The following ALPK1 variants were observed in gnomAD, a reference collection of about 807,000 sequenced individuals.
The protein encoded by ALPK1 is alpha-protein kinase 1.
Under a neutral mutation model 120.6 loss-of-function variants are expected in ALPK1, and 110 were observed. The ratio of observed to expected loss-of-function variants is 0.91; its 90% CI spans 0.78 to 1.07. ALPK1 has a LOEUF of 1.07. ALPK1 is among the 50% of genes least tolerant of loss of function. ALPK1 has a pLI of 0.00. For synonymous variants in ALPK1, 582 were observed against 560.3 expected (o/e 1.04, Z -0.55); for missense variants, 1,498 against 1,483.9 (o/e 1.01, Z -0.16).
chr4:112,309,876 G>T (rs1000794182), intron 1 of ALPK1, among the ~76,000 whole-genome samples: 3 of 152,028 alleles, frequency 2.0e-5, no homozygotes, highest in Admixed American at 6.5e-5. Flanking sequence ...TTACATGACT[G>T]CTTTCTACTA....
At position 112,350,447 on chromosome 4, in the gene ALPK1, C is replaced by G. The variant is rs796916658; in HGVS notation, c.-100-27231C>G. 2.6e-5 allele frequency among the ~76,000 whole-genome samples: 4 copies of G among 152,298 alleles called. No individual in the cohort carries two copies. The South Asian group carries it at 8.3e-4, about 32-fold the overall frequency. On this transcript the variant is annotated intron_variant, in intron 2 of 15. Coordinates refer to ENST00000650871, the MANE Select transcript of ALPK1 (RefSeq NM_025144.4). ...GACCCTCCCTCCTCCTACTCCATCC[C>G]TGGAGAGATGCAGCAGTTTTGACAT...
chr4:112,304,865 G>A (rs1206146326), intron 1 of ALPK1, among the ~76,000 whole-genome samples: 1 of 152,078 alleles, frequency 6.6e-6, no homozygotes, highest in Middle Eastern at 3.2e-3. Context: ...TTTTCTTCTA[G>A]GGTTTTTATG....
chr4:112,387,619 TG>T (rs1371538903), intron 4 of ALPK1, among the ~76,000 whole-genome samples: 1 of 152,220 alleles, frequency 6.6e-6, no homozygotes, highest in Non-Finnish European at 1.5e-5. Context: ...CTGATAGCCC[TG>T]ATGTTGTAAA....
In ALPK1 at chr4:112,316,671, G is replaced by T. The variant is rs147686264; in HGVS notation, c.-101+819G>T. On this transcript the variant is annotated intron_variant, in intron 2 of 15. Coordinates refer to ENST00000650871, the MANE Select transcript of ALPK1 (RefSeq NM_025144.4). ...TTTTTTCATGGCAGCCATCTTAATG[G>T]GTGTGAGGTAGTGTCTCATTGTGCT... Among the ~76,000 whole-genome samples the T allele has an allele frequency of 4.0e-3, 607 of 152,236 alleles. 2 individuals are homozygous for T. The highest frequency in any genetic ancestry group is 0.013 in the African/African-American group (544 of 41,538).
intron 5 of ALPK1, chr4:112,414,530 C>A (rs1255373455): frequency 6.6e-6 from 2 of 300,770 alleles, no homozygotes; most frequent in Non-Finnish European, 1.4e-5. Flanking sequence ...ATCACTTGAA[C>A]TCCGGAGGTG....
intron 3 of ALPK1, among the ~76,000 whole-genome samples, chr4:112,381,377 T>G (rs1254484993): frequency 2.6e-5 from 4 of 152,082 alleles, no homozygotes; most frequent in African/African-American, 9.7e-5. Flanking sequence ...AGTGATGAGT[T>G]CAGTTTTGGA....
rs769809255 is a variant in ALPK1, at chr4:112,430,875, A to T, written c.1328A>T (p.Lys443Ile). 1 of 1,614,074 alleles carries T rather than the reference A, an allele frequency of 6.2e-7. No homozygotes were observed. Among genetic ancestry groups the T allele is most frequent in the Non-Finnish European group, 8.5e-7 (1 of 1,180,004 alleles). Residue 443 changes from lysine to isoleucine, a missense_variant, in exon 11 of 16, where the codon AAA (lysine) becomes ATA (isoleucine). Physicochemically the swap from Lys to Ile is moderately radical, Grantham distance 102. Transcript: ENST00000650871. ...GAGAGTTTCGAGTGCAGGTTGGATA[A>T]ACTTATCTTGCATGGGCAAGGGGAT... Reference protein sequence around the residue: ...VPESFECRLDKLILHGQGDFQ... With the variant: ...VPESFECRLDILILHGQGDFQ...
chr4:112,359,816 G>T, intron 2 of ALPK1: 2 of 408,872 alleles, frequency 4.9e-6, no homozygotes, highest in Admixed American at 3.0e-5. Flanking sequence ...CAGAGCCCCA[G>T]TGGGTGCCCA....
intron 1 of ALPK1, among the ~76,000 whole-genome samples, chr4:112,308,849 C>T (rs1728253755): frequency 6.6e-6 from 1 of 152,102 alleles, no homozygotes; most frequent in Non-Finnish European, 1.5e-5. Flanking sequence ...TTCAGCTTTT[C>T]TGCTCTGTTT....
At chr4:112,402,284 G>A (rs1459585143) in intron 4 of ALPK1, among the ~76,000 whole-genome samples, 1 of 152,174 alleles carries the variant, frequency 6.6e-6, no homozygotes, top group Non-Finnish European at 1.5e-5. Flanking sequence ...CCCTCCTTGA[G>A]AACAGCTGCC....
chr4:112,411,810 C>G lies in ALPK1; in HGVS notation c.277-17C>G, dbSNP rs1325609537. ...GCGTTTCCGCCTGGCTCACGATGTT[C>G]CACGCTGTTCCTCCAGGCGTCCCTG... On this transcript the variant is annotated splice_polypyrimidine_tract_variant and intron_variant, in intron 4 of 15. Transcript: ENST00000650871. 1 of 1,599,424 alleles carries G rather than the reference C, an allele frequency of 6.3e-7. No homozygotes were observed. Among genetic ancestry groups the G allele is most frequent in the Non-Finnish European group, 8.5e-7 (1 of 1,173,306 alleles).
chr4:112,355,993 A>T, intron 2 of ALPK1: 1 of 636,460 alleles, frequency 1.6e-6, no homozygotes, highest in Non-Finnish European at 2.9e-6. Context: ...CTAGAAGAGA[A>T]CAGCGTTGTG....
At position 112,411,504 on chromosome 4, in the gene ALPK1, C is replaced by T. The variant is rs535112441; in HGVS notation, c.277-323C>T. 3.3e-5 allele frequency among the ~76,000 whole-genome samples: 5 copies of T among 152,304 alleles called. 1 individual carries two copies. The highest frequency in any genetic ancestry group is 9.6e-5 in the African/African-American group (4 of 41,566). On this transcript the variant is annotated intron_variant, in intron 4 of 15. Coordinates refer to ENST00000650871, the MANE Select transcript of ALPK1 (RefSeq NM_025144.4). ...CCTCCCAAAATGCTGAGATTAGAGG[C>T]GTGAGCCACCATGCCCGGCCCTACT...
At chr4:112,358,660 C>A in intron 2 of ALPK1, 1 of 711,318 alleles carries the variant, frequency 1.4e-6, no homozygotes. Flanking sequence ...CACAGGTGCT[C>A]CACCCTGTCT....
intron 4 of ALPK1, among the ~76,000 whole-genome samples, chr4:112,399,272 G>T (rs982618824): frequency 6.6e-6 from 1 of 152,208 alleles, no homozygotes. Context: ...GGAACCAGGA[G>T]AATATGCAAT....
intron 5 of ALPK1, among the ~76,000 whole-genome samples, chr4:112,415,952 T>G (rs1733728401): frequency 6.6e-6 from 1 of 152,218 alleles, no homozygotes; most frequent in African/African-American, 2.4e-5. Context: ...CTTAATGTAT[T>G]TATTATCATC....
At chr4:112,345,165 C>T (rs1381944224) in intron 2 of ALPK1, among the ~76,000 whole-genome samples, 1 of 152,170 alleles carries the variant, frequency 6.6e-6, no homozygotes, top group East Asian at 1.9e-4. Flanking sequence ...TAATAGGGGG[C>T]GTGCTTCTCG....
intron 2 of ALPK1, among the ~76,000 whole-genome samples, chr4:112,368,903 T>C (rs1731270978): frequency 6.6e-6 from 1 of 152,150 alleles, no homozygotes; most frequent in Non-Finnish European, 1.5e-5. Context: ...AGGCCTTTGG[T>C]TTCATTTTCT....
chr4:112,394,405 T>C (rs1732560919), intron 4 of ALPK1, among the ~76,000 whole-genome samples: 1 of 152,264 alleles, frequency 6.6e-6, no homozygotes, highest in Admixed American at 6.5e-5. Flanking sequence ...TTATAGGTCT[T>C]GTTTTGAAAA....
Sources: gnomAD v4.1 joint callset for allele counts (sites outside exome capture counted in the v4.1 genomes callset) on GRCh38, gnomAD v4.1.1 for gene constraint, MANE v1.5 for transcripts, NCBI Gene and HGNC (gene_info 2026-07-23, HGNC 2026-07-21) for gene names.